INPP4B: variants seen among roughly 807,000 people sequenced by gnomAD.
INPP4B encodes inositol polyphosphate 4-phosphatase type II.
INPP4B carries 55 observed loss-of-function variants against 122.5 expected under a neutral mutation model. That is an observed-to-expected ratio of 0.45 (90% CI 0.36 to 0.56). The LOEUF (loss-of-function observed/expected upper bound fraction) is 0.56, where lower values mean the gene tolerates loss of function less well. Among genes scored for constraint, INPP4B ranks in the 20% least tolerant of loss-of-function variants. The pLI, the probability that INPP4B is intolerant of heterozygous loss-of-function variation, is 0.00. For synonymous variants in INPP4B, 403 were observed against 388.7 expected (o/e 1.04, Z -0.43); for missense variants, 1,000 against 1,097.7 (o/e 0.91, Z 1.26).
intron 2 of INPP4B, among the ~76,000 whole-genome samples, chr4:142,702,845 T>C (rs529372133): frequency 2.2e-4 from 33 of 152,110 alleles, no homozygotes; most frequent in African/African-American, 7.5e-4. Context: ...TTTGGTTGCA[T>C]AGCATTAGTG....
chr4:142,256,817 T>C (rs919803284), intron 11 of INPP4B, among the ~76,000 whole-genome samples: 9 of 152,054 alleles, frequency 5.9e-5, no homozygotes, highest in African/African-American at 2.2e-4. Flanking sequence ...ACTGTTCCAA[T>C]CAATAGAAAA....
intron 7 of INPP4B, among the ~76,000 whole-genome samples, chr4:142,341,296 A>G (rs1280311407): frequency 6.6e-6 from 1 of 152,226 alleles, no homozygotes; most frequent in Non-Finnish European, 1.5e-5. Context: ...TAGAATAAAC[A>G]AAGTTTCTAT....
At chr4:142,504,328 C>CAAAAATTAAA (rs564830818) in intron 2 of INPP4B, among the ~76,000 whole-genome samples, 75 of 151,952 alleles carry the variant, frequency 4.9e-4, no homozygotes, top group African/African-American at 1.6e-3. Context: ...AACAGACTTC[C>CAAAAATTAAA]AAAAATTAAA....
At chr4:142,248,920 AGAGGTTGTTAACATAAAAT>A (rs1730528739) in intron 11 of INPP4B, among the ~76,000 whole-genome samples, 1 of 152,100 alleles carries the variant, frequency 6.6e-6, no homozygotes, top group Admixed American at 6.6e-5. Context: ...TTAAGTGCCC[AGAGGTTGTTAACATAAAAT>A]GATATAGACT....
intron 25 of INPP4B, among the ~76,000 whole-genome samples, chr4:142,038,869 T>C (rs1471087403): frequency 6.6e-6 from 1 of 152,198 alleles, no homozygotes; most frequent in Non-Finnish European, 1.5e-5. Flanking sequence ...TTTTTTTTCA[T>C]ATACTGCAAG....
intron 21 of INPP4B, among the ~76,000 whole-genome samples, chr4:142,117,196 G>A (rs1162090589): frequency 6.6e-6 from 1 of 151,972 alleles, no homozygotes; most frequent in Non-Finnish European, 1.5e-5. Flanking sequence ...AAAAGTCCAG[G>A]ACCAGATGGA....
chr4:142,686,198 GT>G (rs1759325605), intron 2 of INPP4B, among the ~76,000 whole-genome samples: 2 of 152,110 alleles, frequency 1.3e-5, no homozygotes, highest in Admixed American at 6.6e-5. Flanking sequence ...AATACAGGCT[GT>G]TAGTCAAGGC....
chr4:142,180,438 T>G (rs1431352063), intron 15 of INPP4B, among the ~76,000 whole-genome samples: 1 of 152,206 alleles, frequency 6.6e-6, no homozygotes, highest in Non-Finnish European at 1.5e-5. Context: ...TTTATCCTAA[T>G]AATTTAAATC....
At chr4:142,383,843 T>C (rs12511267) in intron 7 of INPP4B, 5 of 463,626 alleles carry the variant, frequency 1.1e-5, no homozygotes, top group Non-Finnish European at 1.9e-5. Context: ...TTATTTATGA[T>C]GTTTTGTGCT....
chr4:142,173,941 T>C, intron 15 of INPP4B, 132 bp from the exon 16 acceptor site: 1 of 742,758 alleles, frequency 1.3e-6, no homozygotes, highest in East Asian at 2.7e-5. Flanking sequence ...TCCTAAGAGA[T>C]TTTTAATGAT....
chr4:142,202,263 T>A (rs1840944170), intron 14 of INPP4B, among the ~76,000 whole-genome samples: 1 of 152,068 alleles, frequency 6.6e-6, no homozygotes, highest in East Asian at 1.9e-4. Context: ...TAACTCTATT[T>A]TTCCCAGAAG....
intron 5 of INPP4B, chr4:142,427,465 T>G: frequency 1.5e-6 from 1 of 684,454 alleles, no homozygotes; most frequent in Non-Finnish European, 2.7e-6. Context: ...ATCTCTTAAT[T>G]CTTGATTCAA....
chr4:142,049,270 G>A (rs1753197916), intron 25 of INPP4B, among the ~76,000 whole-genome samples: 1 of 152,048 alleles, frequency 6.6e-6, no homozygotes, highest in Non-Finnish European at 1.5e-5. Context: ...TCATGTCAAA[G>A]TATATGAATT....
At chr4:142,134,348 CTCTGAGTCCCATGT>C (rs1802876306) in intron 18 of INPP4B, among the ~76,000 whole-genome samples, 1 of 152,156 alleles carries the variant, frequency 6.6e-6, no homozygotes, top group African/African-American at 2.4e-5. Flanking sequence ...AAGATCCTGG[CTCTGAGTCCCATGT>C]TACTCTGTTA....
At chr4:142,521,296 G>A (rs996813022) in intron 2 of INPP4B, among the ~76,000 whole-genome samples, 2 of 151,736 alleles carry the variant, frequency 1.3e-5, no homozygotes, top group Non-Finnish European at 2.9e-5. Context: ...ATAAGATTGG[G>A]AAATATTTCA....
chr4:142,269,750 G>A (rs1394563871), intron 10 of INPP4B, among the ~76,000 whole-genome samples: 3 of 152,082 alleles, frequency 2.0e-5, no homozygotes, highest in Non-Finnish European at 2.9e-5. Flanking sequence ...TATGTGAGGC[G>A]ATAGATTTGT....
intron 2 of INPP4B, among the ~76,000 whole-genome samples, chr4:142,521,162 G>A (rs927869827): frequency 1.3e-5 from 2 of 151,806 alleles, no homozygotes; most frequent in Admixed American, 6.6e-5. Flanking sequence ...GGAAAATTAA[G>A]TTAAATTACA....
chr4:142,651,320 C>T (rs1752918688), intron 2 of INPP4B, among the ~76,000 whole-genome samples: 1 of 152,080 alleles, frequency 6.6e-6, no homozygotes, highest in Non-Finnish European at 1.5e-5. Context: ...ACTAGAGAAG[C>T]AAGAGCAAAC....
At chr4:142,614,139 C>A (rs1247194149) in intron 2 of INPP4B, among the ~76,000 whole-genome samples, 1 of 152,092 alleles carries the variant, frequency 6.6e-6, no homozygotes, top group East Asian at 1.9e-4. Flanking sequence ...AGGAGAATCA[C>A]TTGAGGCTGG....
Sources: gnomAD v4.1 joint callset for allele counts (sites outside exome capture counted in the v4.1 genomes callset) on GRCh38, gnomAD v4.1.1 for gene constraint, MANE v1.5 for transcripts, NCBI Gene and HGNC (gene_info 2026-07-23, HGNC 2026-07-21) for gene names.